The following VANGL1 variants were observed in gnomAD, a reference collection of about 807,000 sequenced individuals.
VANGL1 encodes the protein vang-like protein 1.
In VANGL1, 18 loss-of-function variants were observed where a neutral mutation model predicts 48.4. The ratio of observed to expected loss-of-function variants is 0.37; its 90% CI spans 0.26 to 0.55. The LOEUF (loss-of-function observed/expected upper bound fraction) is 0.55. Among genes scored for constraint, VANGL1 ranks in the 20% least tolerant of loss-of-function variants. VANGL1 has a pLI of 0.81. For synonymous variants in VANGL1, 257 were observed against 261.8 expected (o/e 0.98, Z 0.18); for missense variants, 667 against 675.8 (o/e 0.99, Z 0.14).
chr1:115,643,092 T>A (rs948511744), intron 1 of VANGL1, among the ~76,000 whole-genome samples: 1 of 152,214 alleles, frequency 6.6e-6, no homozygotes, highest in Admixed American at 6.5e-5. Context: ...CGCCTTATGA[T>A]GATGATTGTG....
Position 115,684,053 on chromosome 1 carries a change from G to A in VANGL1, c.1056G>A (p.Arg352=), listed in dbSNP as rs1268160134. ...ELYYEEAEHE[R]RVKKRKARLV... ...ATTATGAAGAGGCCGAACATGAACGGCGAGTAAAGAAGCGGAAAGCAAGGT... is the reference window on the plus strand; with the variant it reads ...ATTATGAAGAGGCCGAACATGAACGACGAGTAAAGAAGCGGAAAGCAAGGT... The change falls in exon 6 of 8, where the codon CGG becomes CGA. Residue 352 remains arginine (R), a synonymous_variant. Coordinates refer to ENST00000355485, the MANE Select transcript of VANGL1 (RefSeq NM_138959.3). 1 of 1,613,974 alleles carries A rather than the reference G, an allele frequency of 6.2e-7. No homozygotes were observed. The highest frequency in any genetic ancestry group is 8.5e-7 in the Non-Finnish European group (1 of 1,179,908).
chr1:115,660,156 C>G (rs1168489127), intron 3 of VANGL1, among the ~76,000 whole-genome samples: 3 of 152,218 alleles, frequency 2.0e-5, no homozygotes, highest in African/African-American at 7.2e-5. Flanking sequence ...ACCATTACTA[C>G]TAGAGCTATG....
intron 6 of VANGL1, 66 bp from the exon 7 acceptor site, chr1:115,685,227 G>A (rs965762473): frequency 7.8e-5 from 123 of 1,572,092 alleles, no homozygotes; most frequent in Non-Finnish European, 9.9e-5. Context: ...GTAGACAAGC[G>A]TCATTCTGTT....
At position 115,651,430 on chromosome 1, in the gene VANGL1, C is replaced by T. The variant is rs754624480; in HGVS notation, c.17C>T (p.Thr6Ile). Residue 6 changes from threonine to isoleucine, a missense_variant, in exon 2 of 8, where the codon ACT (threonine) becomes ATT (isoleucine). Thr to Ile is a moderately conservative substitution (Grantham distance 89, BLOSUM62 -1). Transcript: ENST00000355485. ...TCCATTGCTATGGATACCGAATCCACTTATTCTGGATATTCTTACTATTCA... is the reference window on the plus strand; with the variant it reads ...TCCATTGCTATGGATACCGAATCCATTTATTCTGGATATTCTTACTATTCA... MDTESTYSGYSYYSSH... is the reference protein window; with the variant it reads MDTESIYSGYSYYSSH... 5.6e-6 allele frequency: 9 copies of T among 1,614,042 alleles called. No individual in the cohort carries two copies. The Admixed American group carries it at 1.5e-4, about 27-fold the overall frequency.
chr1:115,647,295 A>G (rs1248705638), intron 1 of VANGL1, among the ~76,000 whole-genome samples: 2 of 152,152 alleles, frequency 1.3e-5, no homozygotes, highest in Admixed American at 6.5e-5. Flanking sequence ...CTATCAGTGT[A>G]TTACCCTGGG....
At position 115,692,482 on chromosome 1, in the gene VANGL1, G is replaced by C. The variant is rs1653878014; in HGVS notation, c.*1103G>C. 1 of 152,708 alleles carries C rather than the reference G, an allele frequency of 6.5e-6. No individual in the cohort carries two copies. The highest frequency in any genetic ancestry group is 2.4e-5 in the African/African-American group (1 of 41,464). The allele number at this position is 152,708 out of a possible 1,614,324, so 9.5% of individuals were successfully genotyped here. On this transcript the variant is annotated 3_prime_UTR_variant, in exon 8 of 8. Transcript: ENST00000355485. The stretch of plus-strand genomic sequence containing the variant: ...CCTGTGTTTTCTGACCACCGTCACT[G>C]TGCAACTCATCGCCTCTGCCACTTA...
In VANGL1 at chr1:115,698,067, G is replaced by T. The variant is rs1300130520; in HGVS notation, c.*6688G>T. On this transcript the variant is annotated 3_prime_UTR_variant, in exon 8 of 8. Transcript: ENST00000355485. ...CATTGTGATGTCAGTAACAGAGTTAGTGTCTCTGATGGAATAGTGTACCTG... is the reference window on the plus strand; with the variant it reads ...CATTGTGATGTCAGTAACAGAGTTATTGTCTCTGATGGAATAGTGTACCTG... The T allele has an allele frequency of 1.3e-5, 2 of 152,216 alleles. No individual in the cohort carries two copies. The highest frequency in any genetic ancestry group is 2.9e-5 in the Non-Finnish European group (2 of 68,042). The allele number at this position is 152,216 out of a possible 1,614,324, so 9.4% of individuals were successfully genotyped here. A position where few individuals can be genotyped will look rare whatever the true frequency, so the allele number is the denominator to read the frequency against.
Position 115,663,912 on chromosome 1 carries a change from C to T in VANGL1, c.456C>T (p.Leu152=), listed in dbSNP as rs769256620. 23 of 1,614,224 alleles carry T rather than the reference C, an allele frequency of 1.4e-5. No individual in the cohort carries two copies. The highest frequency in any genetic ancestry group is 1.9e-5 in the Non-Finnish European group (22 of 1,180,048). The stretch of plus-strand genomic sequence containing the variant: ...CTTGTGGCACAATTTGTGAGGGGCT[C>T]TTTATCTCCATGGCATTCAAACTCC... ...LEPCGTICEG[L]FISMAFKLLI... Residue 152 remains leucine, a synonymous_variant, in exon 4 of 8, where the codon CTC becomes CTT. Coordinates refer to ENST00000355485, the MANE Select transcript of VANGL1 (RefSeq NM_138959.3).
intron 3 of VANGL1, among the ~76,000 whole-genome samples, chr1:115,661,240 A>G (rs936147159): frequency 6.6e-6 from 1 of 152,088 alleles, no homozygotes; most frequent in Non-Finnish European, 1.5e-5. Flanking sequence ...TTTTTCTTCT[A>G]AGAACCTGAA....
chr1:115,647,957 G>T (rs1652000417), intron 1 of VANGL1, among the ~76,000 whole-genome samples: 1 of 152,206 alleles, frequency 6.6e-6, no homozygotes, highest in Non-Finnish European at 1.5e-5. Flanking sequence ...CTGGGTGGAG[G>T]TAAGACGTAG....
chr1:115,666,900 A>G (rs984326879), intron 4 of VANGL1, among the ~76,000 whole-genome samples: 2 of 152,176 alleles, frequency 1.3e-5, no homozygotes, highest in African/African-American at 4.8e-5. Context: ...TCCTCCTGGC[A>G]TTGTGTGGGC....
Position 115,686,165 on chromosome 1 carries a change from A to T in VANGL1, c.1314+638A>T, listed in dbSNP as rs113362960. The stretch of plus-strand genomic sequence containing the variant: ...AGAGATATTATTATTATCCTCATTG[A>T]TACAACAGCAAACAAGTGTAGAGGA... On this transcript the variant is annotated intron_variant, in intron 7 of 7. Transcript: ENST00000355485. Among the ~76,000 whole-genome samples, 809 of 152,232 alleles carry T rather than the reference A, an allele frequency of 5.3e-3. 6 individuals carry two copies. Among genetic ancestry groups the T allele is most frequent in the African/African-American group, 0.018 (752 of 41,532 alleles).
intron 4 of VANGL1, 70 bp from the exon 5 acceptor site, chr1:115,682,294 A>T (rs1027386951): frequency 1.3e-6 from 2 of 1,596,916 alleles, no homozygotes; most frequent in Non-Finnish European, 1.7e-6. Flanking sequence ...ACTCCAAAAG[A>T]GGATTTTTCG....
intron 1 of VANGL1, among the ~76,000 whole-genome samples, chr1:115,643,403 A>G (rs1651806206): frequency 1.3e-5 from 2 of 152,158 alleles, no homozygotes; most frequent in South Asian, 4.1e-4. Context: ...TGTAACCACT[A>G]ATTATAGAGT....
chr1:115,665,420 T>C (rs1426979930), intron 4 of VANGL1, among the ~76,000 whole-genome samples: 1 of 152,246 alleles, frequency 6.6e-6, no homozygotes, highest in Non-Finnish European at 1.5e-5. Context: ...TGTGATCATG[T>C]AGCTGGCAGA....
intron 1 of VANGL1, among the ~76,000 whole-genome samples, chr1:115,647,097 AC>A (rs899951200): frequency 3.2e-4 from 48 of 152,376 alleles, no homozygotes; most frequent in African/African-American, 1.0e-3. Context: ...GCAGTGGGAC[AC>A]CACGGAAAGG....
chr1:115,655,973 C>T (rs1167753385), intron 2 of VANGL1, among the ~76,000 whole-genome samples: 4 of 152,186 alleles, frequency 2.6e-5, no homozygotes, highest in Non-Finnish European at 5.9e-5. Flanking sequence ...AGCAGTAATT[C>T]GGGACCAGTG....
rs796168803 is a variant in VANGL1, at chr1:115,682,219, G to C, written c.813-145G>C. ...CTTTAAGTTCTCATCCTGGAGACCA[G>C]AAGTGTGGTGGAACCCAGTGGACTT... On this transcript the variant is annotated intron_variant, in intron 4 of 7. Transcript: ENST00000355485. The C allele has an allele frequency of 2.3e-5, 27 of 1,185,462 alleles. No individual in the cohort carries two copies. The African/African-American group carries it at 3.8e-4, about 17-fold the overall frequency. The allele number at this position is 1,185,462 out of a possible 1,614,324, so 73.4% of individuals were successfully genotyped here.
chr1:115,685,406 T>C lies in VANGL1; in HGVS notation c.1193T>C (p.Phe398Ser). 3 of 1,614,064 alleles carry C rather than the reference T, an allele frequency of 1.9e-6. No individual in the cohort carries two copies. Among genetic ancestry groups the C allele is most frequent in the Non-Finnish European group, 2.5e-6 (3 of 1,180,000 alleles). The part of the protein sequence containing the change: ...MDPREAAQAI[F>S]PSMARALQKY... ...CCTAGGGAGGCCGCCCAGGCCATTT[T>C]CCCCTCCATGGCCAGGGCTCTCCAG... is the stretch of plus-strand genomic sequence containing the variant. The change falls in exon 7 of 8, where the codon TTC (phenylalanine) becomes TCC (serine). Residue 398 changes from phenylalanine (F) to serine (S), a missense_variant. Transcript: ENST00000355485.
Sources: gnomAD v4.1 joint callset for allele counts (sites outside exome capture counted in the v4.1 genomes callset) on GRCh38, gnomAD v4.1.1 for gene constraint, MANE v1.5 for transcripts, NCBI Gene and HGNC (gene_info 2026-07-23, HGNC 2026-07-21) for gene names.